The following EFEMP2 variants were observed in gnomAD, a reference collection of about 807,000 sequenced individuals.
EFEMP2 encodes the protein EGF-containing fibulin-like extracellular matrix protein 2.
A neutral mutation model predicts 55.3 loss-of-function variants in EFEMP2; 21 were observed. The ratio of observed to expected loss-of-function variants is 0.38; its 90% CI spans 0.27 to 0.55. The LOEUF (loss-of-function observed/expected upper bound fraction) is 0.55. Ranked by LOEUF, EFEMP2 falls within the 20% of genes least tolerant of loss-of-function variation. The pLI is 0.77. For synonymous variants in EFEMP2, 275 were observed against 242.3 expected (o/e 1.14, Z -1.25); for missense variants, 513 against 615.1 (o/e 0.83, Z 1.76).
rs1035445004 is a variant in EFEMP2, at chr11:65,867,368, G to A, written c.1171-289C>T. The A allele has an allele frequency of 1.3e-5, 7 of 527,350 alleles. No homozygotes were observed. The African/African-American group carries it at 1.3e-4, about 10-fold the overall frequency. The allele number at this position is 527,350 out of a possible 1,614,324, so 32.7% of individuals were successfully genotyped here. Reference sequence around the variant, plus strand: ...GCCACATGTGGCTCTTGGGACTGGTGGGACCTTTGGTGACCCAAAGTGAGC... The same window carrying A: ...GCCACATGTGGCTCTTGGGACTGGTAGGACCTTTGGTGACCCAAAGTGAGC... On this transcript the variant is annotated intron_variant, in intron 10 of 10. Transcript: ENST00000307998.
chr11:65,870,684 G>A (rs1221707513), intron 4 of EFEMP2, 26 bp from the exon 5 acceptor site: 3 of 1,613,718 alleles, frequency 1.9e-6, no homozygotes, highest in Admixed American at 1.7e-5. Context: ...CTCAGCCCCT[G>A]CCTGGGATCC....
rs1322463745 is a variant in EFEMP2 at position 65,871,951 on chromosome 11, G to C, written c.160+19C>G. 2 of 1,551,290 alleles carry C rather than the reference G, an allele frequency of 1.3e-6. No homozygotes were observed. Among genetic ancestry groups the C allele is most frequent in the Non-Finnish European group, 8.7e-7 (1 of 1,146,792 alleles). On this transcript the variant is annotated intron_variant, in intron 3 of 10. Transcript: ENST00000307998. ...CTTTCCGGGTTCCTGGGGGTGTTTG[G>C]TCCCCCAGGCACACACACCCCGGCA...
intron 10 of EFEMP2, chr11:65,867,607 G>A (rs1859876971): frequency 1.9e-6 from 1 of 534,664 alleles, no homozygotes; most frequent in Non-Finnish European, 3.4e-6. Flanking sequence ...TTGGTTTGTG[G>A]GTGAAGAAAC....
intron 10 of EFEMP2, 198 bp from the exon 11 acceptor site, chr11:65,867,277 C>T (rs1363386363): frequency 6.3e-6 from 4 of 632,628 alleles, no homozygotes; most frequent in Non-Finnish European, 8.3e-6. Flanking sequence ...TCAGAAATCT[C>T]CTGCTGGGGC....
Position 65,870,247 on chromosome 11 carries a change from G to A in EFEMP2, c.491-10C>T. On this transcript the variant is annotated splice_polypyrimidine_tract_variant and intron_variant, in intron 5 of 10. Transcript: ENST00000307998. Reference sequence around the variant, plus strand: ...CGGCACTCGTCTATGTCTAGGGATAGAGGCAGGAGAAGGAGGGCGGAGGGC... The same window carrying A: ...CGGCACTCGTCTATGTCTAGGGATAAAGGCAGGAGAAGGAGGGCGGAGGGC... The A allele has an allele frequency of 1.2e-6, 2 of 1,612,728 alleles. No individual in the cohort carries two copies. The highest frequency in any genetic ancestry group is 1.1e-5 in the South Asian group (1 of 91,044).
intron 4 of EFEMP2, 164 bp downstream of exon 4, chr11:65,870,993 C>T: frequency 1.1e-6 from 1 of 909,208 alleles, no homozygotes; most frequent in Admixed American, 2.0e-5. Flanking sequence ...AGCAGTGGCA[C>T]ACAAGCTGGG....
rs150546623 is a variant in EFEMP2 at position 65,868,547 on chromosome 11, T to C, written c.810A>G (p.Pro270=). 299 of 1,613,870 alleles carry C rather than the reference T, an allele frequency of 1.9e-4. No homozygotes were observed. Among genetic ancestry groups the C allele is most frequent in the Non-Finnish European group, 2.4e-4 (285 of 1,180,018 alleles). ...NEPGRFSCHC[P]QGYQLLATRL... ...GTGTGGCCAGCAGCTGGTAACCCTG[T>C]GGGCAGTGGCAGGAGAAACGGCCTG... Residue 270 remains proline, a synonymous_variant, in exon 8 of 11, where the codon CCA becomes CCG. Transcript: ENST00000307998.
At chr11:65,870,757 G>A (rs1344217686) in intron 4 of EFEMP2, 99 bp from the exon 5 acceptor site, 20 of 1,574,328 alleles carry the variant, frequency 1.3e-5, no homozygotes, top group Admixed American at 8.4e-5. Flanking sequence ...AACAGCACGC[G>A]TAAGAGTTCA....
chr11:65,871,548 G>C, intron 3 of EFEMP2, 185 bp from the exon 4 acceptor site: 1 of 637,614 alleles, frequency 1.6e-6, no homozygotes, highest in Non-Finnish European at 2.8e-6. Context: ...TGGAGATGGG[G>C]CAGCTGTTCC....
intron 7 of EFEMP2, chr11:65,869,308 G>A (rs1402382427): frequency 1.0e-5 from 2 of 194,520 alleles, no homozygotes; most frequent in Admixed American, 5.3e-5. Flanking sequence ...CCCAACAAAC[G>A]TGGAGGGAGA....
At chr11:65,869,724 G>A (rs888043253) in intron 7 of EFEMP2, 133 bp downstream of exon 7, 10 of 1,411,094 alleles carry the variant, frequency 7.1e-6, no homozygotes, top group Non-Finnish European at 9.9e-6. Context: ...CCGGGGTCGA[G>A]TACCCAGGAG....
chr11:65,869,613 A>C (rs911144003), intron 7 of EFEMP2: 2 of 567,738 alleles, frequency 3.5e-6, no homozygotes, highest in Non-Finnish European at 6.4e-6. Context: ...TATGTGGGAC[A>C]GGTGGCACCC....
intron 3 of EFEMP2, chr11:65,871,689 A>T: frequency 3.3e-6 from 2 of 598,444 alleles, no homozygotes; most frequent in Non-Finnish European, 5.9e-6. Flanking sequence ...TTGTGATGAG[A>T]CAAAGAGCTG....
In EFEMP2 at chr11:65,868,360, G is replaced by A; in HGVS notation, c.909C>T (p.Phe303=). 6.2e-7 allele frequency: 1 copy of A among 1,613,984 alleles called. No individual in the cohort carries two copies. The highest frequency in any genetic ancestry group is 8.5e-7 in the Non-Finnish European group (1 of 1,180,032). The part of the protein sequence containing the change: ...QCSEAQTCVN[F]HGGYRCVDTN... ...TGTCCACGCAGCGGTAGCCCCCATGGAAGTTGACACAGGTTTGGGCCTCGG... is the reference window on the plus strand; with the variant it reads ...TGTCCACGCAGCGGTAGCCCCCATGAAAGTTGACACAGGTTTGGGCCTCGG... The change falls in exon 9 of 11, where the codon TTC becomes TTT. Residue 303 remains phenylalanine, a synonymous_variant. Coordinates refer to ENST00000307998, the MANE Select transcript of EFEMP2 (RefSeq NM_016938.5).
At position 65,867,145 on chromosome 11, in the gene EFEMP2, C is replaced by T. The variant is rs146003201; in HGVS notation, c.1171-66G>A. ...CCTGTGTGCTAGGCCCCTGCCCCAGCGTCACCTCCCTGCCCCGTGGCCGTG... is the reference window on the plus strand; with the variant it reads ...CCTGTGTGCTAGGCCCCTGCCCCAGTGTCACCTCCCTGCCCCGTGGCCGTG... On this transcript the variant is annotated intron_variant, in intron 10 of 10. Transcript: ENST00000307998. The T allele has an allele frequency of 9.2e-4, 1,473 of 1,597,394 alleles. 11 individuals carry two copies. The African/African-American group carries it at 0.017, about 18-fold the overall frequency.
chr11:65,869,549 G>T (rs1591066559), intron 7 of EFEMP2: 2 of 423,242 alleles, frequency 4.7e-6, no homozygotes, highest in East Asian at 1.0e-4. Context: ...GCTCAGAGAG[G>T]AGTGACTTGT....
rs928155317 is a variant in EFEMP2 at position 65,866,459 on chromosome 11, G to A, written c.*459C>T. On this transcript the variant is annotated 3_prime_UTR_variant, in exon 11 of 11. Transcript: ENST00000307998. ...AAACCACTAACAGTCCAGTTGCCTC[G>A]TTTTATAGAAAAACAGGCCCAGGGA... 3 of 700,944 alleles carry A rather than the reference G, an allele frequency of 4.3e-6. No individual in the cohort carries two copies. The highest frequency in any genetic ancestry group is 1.5e-5 in the South Asian group (1 of 67,118). 43.4% of individuals were successfully genotyped at this position (700,944 alleles called of 1,614,324 possible).
chr11:65,868,072 TGGG>T lies in EFEMP2; in HGVS notation c.975-19_975-17del. On this transcript the variant is annotated splice_polypyrimidine_tract_variant and intron_variant, in intron 9 of 10. Coordinates refer to ENST00000307998, the MANE Select transcript of EFEMP2 (RefSeq NM_016938.5). ...GAGACAGCGGCTAGAGACCCCGAGG[TGGG>T]GGACACAAATGAGCTCCTTGCCCGT... The T allele has an allele frequency of 6.2e-7, 1 of 1,612,784 alleles. No individual in the cohort carries two copies. The highest frequency in any genetic ancestry group is 8.5e-7 in the Non-Finnish European group (1 of 1,179,584).
intron 10 of EFEMP2, 141 bp downstream of exon 10, chr11:65,867,720 T>C (rs969351321): frequency 1.1e-6 from 1 of 872,032 alleles, no homozygotes; most frequent in Non-Finnish European, 1.9e-6. Flanking sequence ...AGTACCCCCG[T>C]CTTCCTGCAG....
Sources: gnomAD v4.1 joint callset for allele counts on GRCh38, gnomAD v4.1.1 for gene constraint, MANE v1.5 for transcripts, NCBI Gene and HGNC (gene_info 2026-07-23, HGNC 2026-07-21) for gene names.